ZBTB24: variants seen among roughly 807,000 people sequenced by gnomAD.
ZBTB24 encodes the protein zinc finger and BTB domain-containing protein 24.
A neutral mutation model predicts 53.8 loss-of-function variants in ZBTB24; 32 were observed. The ratio of observed to expected loss-of-function variants is 0.60; its 90% CI spans 0.45 to 0.80. The LOEUF (loss-of-function observed/expected upper bound fraction) is 0.80. ZBTB24 is among the 30% of genes least tolerant of loss of function. The pLI is 0.00. For synonymous variants in ZBTB24, 297 were observed against 306.7 expected (o/e 0.97, Z 0.33); for missense variants, 722 against 837.1 (o/e 0.86, Z 1.70).
At chr6:109,471,782 A>G (rs1380218746) in intron 5 of ZBTB24, among the ~76,000 whole-genome samples, 1 of 152,126 alleles carries the variant, frequency 6.6e-6, no homozygotes, top group Non-Finnish European at 1.5e-5. Context: ...TATTGAGTTG[A>G]TATATCCTCT....
chr6:109,481,990 C>A lies in ZBTB24; in HGVS notation c.37G>T (p.Val13Phe). 4 of 1,614,220 alleles carry A rather than the reference C, an allele frequency of 2.5e-6. No individual in the cohort carries two copies. Among genetic ancestry groups the A allele is most frequent in the Non-Finnish European group, 2.5e-6 (3 of 1,180,044 alleles). ...ETSPEPSGQL[V>F]VHSDAHSDTV... ...TCACTGTGAGCGTCTGAGTGTACAA[C>A]AAGCTGCCCAGAAGGCTCTGGCGAT... The change falls in exon 2 of 7, where the codon GTT becomes TTT. Residue 13 changes from valine (V) to phenylalanine (F), a missense_variant. Transcript: ENST00000230122.
At chr6:109,482,262 T>C (rs577425866) in intron 1 of ZBTB24, among the ~76,000 whole-genome samples, 1 of 152,244 alleles carries the variant, frequency 6.6e-6, no homozygotes, top group East Asian at 1.9e-4. Flanking sequence ...GACGGATCAC[T>C]TGAGACCAGC....
In ZBTB24 at chr6:109,480,910, T is replaced by C. The variant is rs1776391296; in HGVS notation, c.952+165A>G. 7 of 1,450,716 alleles carry C rather than the reference T, an allele frequency of 4.8e-6. No individual in the cohort carries two copies. In the South Asian group the frequency reaches 5.7e-5, roughly 12 times the overall value. 89.9% of individuals were successfully genotyped at this position (1,450,716 alleles called of 1,614,324 possible). A position where few individuals can be genotyped will look rare whatever the true frequency, so the allele number is the denominator to read the frequency against. On this transcript the variant is annotated intron_variant, in intron 2 of 6. Coordinates refer to ENST00000230122, the MANE Select transcript of ZBTB24 (RefSeq NM_014797.3). ...AATCATACAATGTATAATGAGGATA[T>C]TACCCACCTTGCAGGATTGTGGAGA...
In ZBTB24 at chr6:109,463,722, C is replaced by T. The variant is rs188338295; in HGVS notation, c.*2129G>A. 587 of 152,050 alleles carry T rather than the reference C, an allele frequency of 3.9e-3. 3 individuals carry two copies. Among genetic ancestry groups the T allele is most frequent in the African/African-American group, 0.014 (572 of 41,484 alleles). The allele number at this position is 152,050 out of a possible 1,614,324, so 9.4% of individuals were successfully genotyped here. A position where few individuals can be genotyped will look rare whatever the true frequency, so the allele number is the denominator to read the frequency against. On this transcript the variant is annotated 3_prime_UTR_variant, in exon 7 of 7. Coordinates refer to ENST00000230122, the MANE Select transcript of ZBTB24 (RefSeq NM_014797.3). ...AAAGTGTAAAATACACACCAGATTT[C>T]GAAAGCTTAGTATGAAAAAGAGAAT...
intron 2 of ZBTB24, among the ~76,000 whole-genome samples, chr6:109,478,924 ATCAT>A (rs1329973230): frequency 6.6e-6 from 1 of 152,124 alleles, no homozygotes; most frequent in Non-Finnish European, 1.5e-5. Flanking sequence ...AAATAAAAAG[ATCAT>A]TCAAATTAAA....
chr6:109,482,490 A>T (rs1374047097), intron 1 of ZBTB24, among the ~76,000 whole-genome samples: 2 of 141,276 alleles, frequency 1.4e-5, no homozygotes, highest in Admixed American at 1.4e-4. Flanking sequence ...AAAACAACTT[A>T]GCTCGCGGTT....
intron 1 of ZBTB24, among the ~76,000 whole-genome samples, chr6:109,482,894 T>TGGGGCCGCCAGACACACTA (rs1554228979): frequency 6.6e-6 from 1 of 152,176 alleles, no homozygotes; most frequent in African/African-American, 2.4e-5. Context: ...TTAAGCTGCG[T>TGGGGCCGCCAGACACACTA]GGGGCCGCCA....
In ZBTB24 at chr6:109,481,591, G is replaced by A. The variant is rs905809861; in HGVS notation, c.436C>T (p.Pro146Ser). 1.9e-6 allele frequency: 3 copies of A among 1,614,138 alleles called. No individual in the cohort carries two copies. The highest frequency in any genetic ancestry group is 2.7e-5 in the African/African-American group (2 of 75,022). Residue 146 changes from proline to serine, a missense_variant, in exon 2 of 7, where the codon CCA (proline) becomes TCA (serine). Pro to Ser is a moderately conservative substitution (Grantham distance 74). Coordinates refer to ENST00000230122, the MANE Select transcript of ZBTB24 (RefSeq NM_014797.3). ...TTCTTATTAGAGATAACAACCACTG[G>A]GGCACCAGCAGTGTTCAAAGTTGTT... The part of the protein sequence containing the change: ...KPTTLNTAGA[P>S]VVVISNKKND...
intron 5 of ZBTB24, among the ~76,000 whole-genome samples, chr6:109,471,355 G>A (rs1342713227): frequency 2.0e-5 from 3 of 152,180 alleles, no homozygotes; most frequent in African/African-American, 4.8e-5. Flanking sequence ...ATGTTATGGT[G>A]AGGGGCCCCC....
intron 5 of ZBTB24, among the ~76,000 whole-genome samples, chr6:109,474,366 AG>A (rs996517416): frequency 2.0e-5 from 3 of 152,150 alleles, no homozygotes; most frequent in African/African-American, 7.2e-5. Context: ...TGTTGGTTCT[AG>A]GGGAGAAAGT....
chr6:109,478,135 G>A (rs936172099), intron 2 of ZBTB24, among the ~76,000 whole-genome samples: 8 of 152,070 alleles, frequency 5.3e-5, no homozygotes, highest in African/African-American at 1.9e-4. Context: ...AGTTTTACTG[G>A]GGATCTGAAG....
chr6:109,476,293 A>G, intron 3 of ZBTB24, 35 bp from the exon 4 acceptor site: 1 of 1,611,256 alleles, frequency 6.2e-7, no homozygotes, highest in Admixed American at 1.7e-5. Flanking sequence ...AACATGTAAA[A>G]AATTATAAAG....
At chr6:109,472,184 C>G (rs1409403643) in intron 5 of ZBTB24, among the ~76,000 whole-genome samples, 1 of 152,078 alleles carries the variant, frequency 6.6e-6, no homozygotes, top group East Asian at 1.9e-4. Context: ...GGAAATGGCA[C>G]GCCAATGCCC....
At position 109,466,517 on chromosome 6, in the gene ZBTB24, G is replaced by A; in HGVS notation, c.1428C>T (p.Ala476=). ...TGTGTAGAATGCAGTGTCTCCTTTT[G>A]GCACTGGAGTCAGAGAAGGATTTGC... The part of the protein sequence containing the change: ...ICGKSFSDSS[A]KRRHCILHTG... Residue 476 remains alanine, a synonymous_variant, in exon 7 of 7, where the codon GCC becomes GCT. Transcript: ENST00000230122. 4 of 1,613,892 alleles carry A rather than the reference G, an allele frequency of 2.5e-6. No individual in the cohort carries two copies. The highest frequency in any genetic ancestry group is 2.5e-6 in the Non-Finnish European group (3 of 1,180,022).
intron 5 of ZBTB24, among the ~76,000 whole-genome samples, chr6:109,473,525 A>G (rs9480964): frequency 0.018 from 2,743 of 151,896 alleles, 93 homozygotes; most frequent in African/African-American, 0.063. Flanking sequence ...TAAAAGAGCA[A>G]CTCTCTTTCC....
At position 109,481,399 on chromosome 6, in the gene ZBTB24, G is replaced by T; in HGVS notation, c.628C>A (p.Gln210Lys). ...VKGDSGVLNE[Q>K]IAAKEKEESE... ...TCTTCCTTTTCTTTTGCTGCAATTT[G>T]CTCATTCAGTACACCACTGTCTCCT... Residue 210 changes from glutamine to lysine, a missense_variant, in exon 2 of 7, where the codon CAA becomes AAA. By Grantham distance (53) the Gln-to-Lys change is moderately conservative. Transcript: ENST00000230122. 1 of 1,614,138 alleles carries T rather than the reference G, an allele frequency of 6.2e-7. No homozygotes were observed.
In ZBTB24 at chr6:109,481,514, C is replaced by T. The variant is rs1776413380; in HGVS notation, c.513G>A (p.Leu171=). 6.2e-7 allele frequency: 1 copy of T among 1,614,242 alleles called. No homozygotes were observed. The highest frequency in any genetic ancestry group is 8.5e-7 in the Non-Finnish European group (1 of 1,180,044). ...CAGCCAGTTCTGATTTCTCCTCCTG[C>T]AATGTATTGACTTTTTTTGGTCTTC... ...KRGRPKKVNT[L]QEEKSELAAE... The change falls in exon 2 of 7, where the codon TTG becomes TTA. Residue 171 remains leucine (L), a synonymous_variant. Transcript: ENST00000230122.
At chr6:109,479,311 T>C (rs1776346434) in intron 2 of ZBTB24, among the ~76,000 whole-genome samples, 2 of 152,146 alleles carry the variant, frequency 1.3e-5, no homozygotes, top group Admixed American at 1.3e-4. Context: ...TAAGGAAAAA[T>C]GCACTTATAC....
At chr6:109,468,232 C>A (rs1440968324) in intron 5 of ZBTB24, among the ~76,000 whole-genome samples, 1 of 152,076 alleles carries the variant, frequency 6.6e-6, no homozygotes. Context: ...CCATCTCTTG[C>A]CTCTTATGGG....
Sources: gnomAD v4.1 joint callset for allele counts (sites outside exome capture counted in the v4.1 genomes callset) on GRCh38, gnomAD v4.1.1 for gene constraint, MANE v1.5 for transcripts, NCBI Gene and HGNC (gene_info 2026-07-23, HGNC 2026-07-21) for gene names.